Variants in UBE2H observed in about 807,000 individuals in gnomAD.
UBE2H encodes ubiquitin-conjugating enzyme E2 H.
A neutral mutation model predicts 29.0 loss-of-function variants in UBE2H; 3 were observed. That is an observed-to-expected ratio of 0.10 (90% CI 0.05 to 0.27). The LOEUF is 0.27. Among genes scored for constraint, UBE2H ranks in the 10% least tolerant of loss-of-function variants. The pLI, the probability that UBE2H is intolerant of heterozygous loss-of-function variation, is 1.00. For missense variants in UBE2H, 68 were observed against 228.2 expected (o/e 0.30, Z 4.52); for synonymous variants, 69 against 82.9 (o/e 0.83, Z 0.91).
chr7:129,885,550 G>C (rs1448222112), intron 1 of UBE2H, among the ~76,000 whole-genome samples: 1 of 152,148 alleles, frequency 6.6e-6, no homozygotes, highest in African/African-American at 2.4e-5. Flanking sequence ...TTATAAAGAA[G>C]ATCCTCCAAG....
At chr7:129,861,895 A>C (rs1434861938) in intron 3 of UBE2H, among the ~76,000 whole-genome samples, 4 of 152,236 alleles carry the variant, frequency 2.6e-5, no homozygotes, top group Non-Finnish European at 1.5e-5. Context: ...TTCCAAAAAA[A>C]GTTATACATA....
At chr7:129,856,812 G>T (rs559425540) in intron 5 of UBE2H, among the ~76,000 whole-genome samples, 72 of 152,252 alleles carry the variant, frequency 4.7e-4, no homozygotes, top group African/African-American at 1.4e-3. Flanking sequence ...GGATGACTGT[G>T]GGACTTGAGT....
chr7:129,910,419 G>C (rs80086114), intron 1 of UBE2H, among the ~76,000 whole-genome samples: 9,415 of 152,150 alleles, frequency 0.062, 366 homozygotes, highest in Non-Finnish European at 0.092. Context: ...GGCTAGGGGA[G>C]GGGAGAGGCA....
intron 5 of UBE2H, among the ~76,000 whole-genome samples, chr7:129,845,163 T>TA (rs1805491379): frequency 6.6e-6 from 1 of 152,176 alleles, no homozygotes; most frequent in East Asian, 1.9e-4. Context: ...TAGCATCACT[T>TA]AGTCTAGAGC....
chr7:129,923,153 G>A (rs1335733827), intron 1 of UBE2H, among the ~76,000 whole-genome samples: 1 of 152,058 alleles, frequency 6.6e-6, no homozygotes, highest in Non-Finnish European at 1.5e-5. Context: ...ACCCGCCTCG[G>A]CCTCCCAAGT....
chr7:129,946,922 T>C (rs1807776539), intron 1 of UBE2H, among the ~76,000 whole-genome samples: 2 of 152,182 alleles, frequency 1.3e-5, no homozygotes, highest in African/African-American at 4.8e-5. Context: ...AAGGTCTGGA[T>C]TACATGCCTA....
intron 3 of UBE2H, among the ~76,000 whole-genome samples, chr7:129,868,967 A>G (rs1584755021): frequency 7.5e-6 from 1 of 133,214 alleles, no homozygotes; most frequent in African/African-American, 2.8e-5. Context: ...ACAGAGTTTC[A>G]TTCTTGTTGC....
At chr7:129,867,394 T>C (rs1437720684) in intron 3 of UBE2H, among the ~76,000 whole-genome samples, 2 of 141,920 alleles carry the variant, frequency 1.4e-5, no homozygotes, top group African/African-American at 2.6e-5. Context: ...TTCATATCCT[T>C]TGTAGGGACA....
At chr7:129,858,777 A>C in intron 4 of UBE2H, 125 bp downstream of exon 4, 1 of 783,644 alleles carries the variant, frequency 1.3e-6, no homozygotes, top group East Asian at 2.7e-5. Context: ...CATTTACATG[A>C]CCATTCATAC....
chr7:129,850,914 GAGAAA>G (rs1195845247), intron 5 of UBE2H, among the ~76,000 whole-genome samples: 2 of 151,156 alleles, frequency 1.3e-5, no homozygotes, highest in Admixed American at 6.6e-5. Flanking sequence ...AAAGAAAGAA[GAGAAA>G]AGAGAAGAGA....
At chr7:129,896,151 G>A (rs1020382551) in intron 1 of UBE2H, among the ~76,000 whole-genome samples, 2 of 151,230 alleles carry the variant, frequency 1.3e-5, no homozygotes, top group Non-Finnish European at 3.0e-5. Flanking sequence ...AGCCTCCAAT[G>A]TGGCGAAACC....
At chr7:129,841,618 A>T (rs538264186) in intron 5 of UBE2H, among the ~76,000 whole-genome samples, 1 of 152,354 alleles carries the variant, frequency 6.6e-6, no homozygotes, top group Admixed American at 6.5e-5. Context: ...ATGATGGGCT[A>T]GAGGGTCCCA....
chr7:129,905,274 G>A (rs2116432482), intron 1 of UBE2H, among the ~76,000 whole-genome samples: 1 of 151,808 alleles, frequency 6.6e-6, no homozygotes, highest in Non-Finnish European at 1.5e-5. Flanking sequence ...ATAGACATGA[G>A]GTTTCTGGTC....
intron 1 of UBE2H, among the ~76,000 whole-genome samples, chr7:129,945,134 G>A (rs1807737298): frequency 6.6e-6 from 1 of 152,132 alleles, no homozygotes; most frequent in South Asian, 2.1e-4. Flanking sequence ...AGATTACAAA[G>A]GGCCACAAGA....
intron 1 of UBE2H, among the ~76,000 whole-genome samples, chr7:129,925,626 G>A (rs1260185448): frequency 6.6e-6 from 1 of 152,154 alleles, no homozygotes; most frequent in Non-Finnish European, 1.5e-5. Flanking sequence ...TTCTTGCAAC[G>A]AGACACTTCT....
intron 3 of UBE2H, among the ~76,000 whole-genome samples, chr7:129,865,469 A>G (rs888554615): frequency 1.3e-5 from 2 of 152,206 alleles, no homozygotes; most frequent in Non-Finnish European, 2.9e-5. Context: ...ACTTTGGGCC[A>G]ATCACCAGAA....
rs1807699115 is a variant in UBE2H at position 129,943,943 on chromosome 7, G to A, written c.53+8560C>T. On this transcript the variant is annotated intron_variant, in intron 1 of 6. Coordinates refer to ENST00000355621, the MANE Select transcript of UBE2H (RefSeq NM_003344.4). ...TCAAGTGAAAGGTATCACAATCATTGTGGTAAAATTTGTTTTATTGATAAA... is the reference window on the plus strand; with the variant it reads ...TCAAGTGAAAGGTATCACAATCATTATGGTAAAATTTGTTTTATTGATAAA... Among the ~76,000 whole-genome samples, 3 of 152,108 alleles carry A rather than the reference G, an allele frequency of 2.0e-5. 1 individual carries two copies. The highest frequency in any genetic ancestry group is 4.2e-4 in the South Asian group (2 of 4,818).
chr7:129,888,936 G>A (rs1806419734), intron 1 of UBE2H, among the ~76,000 whole-genome samples: 1 of 152,172 alleles, frequency 6.6e-6, no homozygotes, highest in African/African-American at 2.4e-5. Flanking sequence ...GGATAGGGAT[G>A]GTCTGCTATG....
At chr7:129,891,716 T>C (rs2116399760) in intron 1 of UBE2H, among the ~76,000 whole-genome samples, 1 of 151,472 alleles carries the variant, frequency 6.6e-6, no homozygotes, top group Non-Finnish European at 1.5e-5. Flanking sequence ...ACAGTAGAAC[T>C]GCTTGAACAG....
Sources: allele counts gnomAD v4.1 joint callset (sites outside exome capture counted in the v4.1 genomes callset), GRCh38; gene constraint gnomAD v4.1.1; transcripts MANE v1.5; gene names NCBI Gene and HGNC (gene_info 2026-07-23, HGNC 2026-07-21).